ARAP1: variants seen among roughly 807,000 people sequenced by gnomAD.
ARAP1 encodes the protein arf-GAP with Rho-GAP domain, ANK repeat and PH domain-containing protein 1.
ARAP1 carries 76 observed loss-of-function variants against 172.2 expected under a neutral mutation model. That is an observed-to-expected ratio of 0.44 (90% CI 0.37 to 0.53). ARAP1 has a LOEUF of 0.53. ARAP1 is among the 20% of genes least tolerant of loss of function. The pLI is 0.00. For synonymous variants in ARAP1, 804 were observed against 803.3 expected (o/e 1.00, Z -0.01); for missense variants, 1,686 against 1,977.5 (o/e 0.85, Z 2.80).
intron 2 of ARAP1, among the ~76,000 whole-genome samples, chr11:72,727,723 G>A (rs965121148): frequency 2.0e-5 from 3 of 152,232 alleles, no homozygotes; most frequent in African/African-American, 7.2e-5. Flanking sequence ...AAATGCTGTG[G>A]GACGTGAGTA....
rs1164810966 is a variant in ARAP1, at chr11:72,695,810, A to G, written c.3328T>C (p.Phe1110Leu). ...QMNVHNLAIV[F>L]GPTLFQTDGQ... ...TCTGTCTGGAAGAGCGTGGGCCCAA[A>G]CACAATTGCCAGGTTGTGCACGTTC... is the stretch of plus-strand genomic sequence containing the variant. Residue 1110 changes from phenylalanine to leucine, a missense_variant, in exon 24 of 35, where the codon TTT becomes CTT. Phe to Leu is a conservative substitution (Grantham distance 22, BLOSUM62 0). Around this residue, in one of 5 missense-constraint regions of ARAP1, gnomAD observed 379 missense variants for 500.1 expected, o/e 0.76. Transcript: ENST00000393609. This position sits in a 1 kb window ranked among gnomAD's most constrained non-coding sequence, Gnocchi z 4.4. 6.2e-7 allele frequency: 1 copy of G among 1,614,024 alleles called. No individual in the cohort carries two copies. Among genetic ancestry groups the G allele is most frequent in the Admixed American group, 1.7e-5 (1 of 59,994 alleles).
At position 72,726,639 on chromosome 11, in the gene ARAP1, G is replaced by T. The variant is rs1464637374; in HGVS notation, c.490C>A (p.Pro164Thr). The part of the protein sequence containing the change: ...SVPPVPPRTG[P>T]PRLLVSLPTK... ...ACTCACCTCACCAGCAGGCGGGGGG[G>T]TCCGGTGCGGGGCGGCACGGGTGGA... The change falls in exon 3 of 35, where the codon CCC becomes ACC. Residue 164 changes from proline (P) to threonine (T), a missense_variant. This residue lies in a region of ARAP1 where 155 missense variants were observed against 129.2 expected (regional missense o/e 1.20). Coordinates refer to ENST00000393609, the MANE Select transcript of ARAP1 (RefSeq NM_001040118.3). This position sits in a 1 kb window ranked among gnomAD's most constrained non-coding sequence, Gnocchi z 6.5. 3 of 1,520,710 alleles carry T rather than the reference G, an allele frequency of 2.0e-6. No homozygotes were observed. Among genetic ancestry groups the T allele is most frequent in the Non-Finnish European group, 1.8e-6 (2 of 1,132,726 alleles). The allele number at this position is 1,520,710 out of a possible 1,614,324, so 94.2% of individuals were successfully genotyped here. A position where few individuals can be genotyped will look rare whatever the true frequency, so the allele number is the denominator to read the frequency against.
rs899216982 is a variant in ARAP1, at chr11:72,697,739, G to A, written c.2738-90C>T. ...TCTGTGAGCACACACACACCCTTGAGACCCGCCCACCAATGTATGGGGTGG... is the reference window on the plus strand; with the variant it reads ...TCTGTGAGCACACACACACCCTTGAAACCCGCCCACCAATGTATGGGGTGG... On this transcript the variant is annotated intron_variant, in intron 19 of 34. Transcript: ENST00000393609. The A allele has an allele frequency of 1.9e-6, 3 of 1,570,700 alleles. No homozygotes were observed. The African/African-American group carries it at 4.0e-5, about 21-fold the overall frequency.
Position 72,712,237 on chromosome 11 carries a change from T to C in ARAP1, c.981A>G (p.Pro327=), listed in dbSNP as rs1250563651. 3 of 1,608,350 alleles carry C rather than the reference T, an allele frequency of 1.9e-6. No homozygotes were observed. The South Asian group carries it at 3.3e-5, about 18-fold the overall frequency. Residue 327 remains proline, a synonymous_variant, in exon 7 of 35, where the codon CCA becomes CCG. Coordinates refer to ENST00000393609, the MANE Select transcript of ARAP1 (RefSeq NM_001040118.3). ...TGTCCAGCCAGCCAGCCTTGATGAC[T>C]GGTGTGACGGGGGTGGAGCCCCCAG... ...GPPGGSTPVT[P]VIKAGWLDKN...
At position 72,685,324 on chromosome 11, in the gene ARAP1, G is replaced by C. The variant is rs1159799298; in HGVS notation, c.*340C>G. The C allele has an allele frequency of 8.2e-6, 3 of 366,972 alleles. No homozygotes were observed. The highest frequency in any genetic ancestry group is 1.5e-5 in the Non-Finnish European group (3 of 198,226). The allele number at this position is 366,972 out of a possible 1,614,324, so 22.7% of individuals were successfully genotyped here. On this transcript the variant is annotated 3_prime_UTR_variant, in exon 35 of 35. Coordinates refer to ENST00000393609, the MANE Select transcript of ARAP1 (RefSeq NM_001040118.3). ...GGGCTCCCTTCCGGCAGGGCCCCAG[G>C]GCCTCACGCCTCTGAAAGGGTGGTG... is the stretch of plus-strand genomic sequence containing the variant.
At chr11:72,734,389 T>C (rs796578085) in intron 1 of ARAP1, among the ~76,000 whole-genome samples, 24 of 152,232 alleles carry the variant, frequency 1.6e-4, no homozygotes, top group African/African-American at 5.1e-4. Context: ...CCAAAGTGCT[T>C]AAGATTATAG....
intron 11 of ARAP1, 53 bp from the exon 12 acceptor site, chr11:72,707,427 G>C (rs1457280852): frequency 6.5e-7 from 1 of 1,531,206 alleles, no homozygotes; most frequent in Non-Finnish European, 8.9e-7. Flanking sequence ...AGGGATTTGG[G>C]GGCAGCATGA....
Position 72,701,729 on chromosome 11 carries a change from A to C in ARAP1, c.2222T>G (p.Leu741Arg). Residue 741 changes from leucine (L) to arginine (R), a missense_variant, in exon 16 of 35, where the codon CTG becomes CGG. This residue lies in a region of ARAP1 where 688 missense variants were observed against 856.9 expected (regional missense o/e 0.80). Transcript: ENST00000393609. ...GAAGCCACTGTGGCTCACGGTCGGC[A>C]GGACAACTGAGTAGTGCTTTTCCAG... ...KPLEKHYSVVLPTVSHSGFLY... is the reference protein window; with the variant it reads ...KPLEKHYSVVRPTVSHSGFLY... 1 of 1,614,020 alleles carries C rather than the reference A, an allele frequency of 6.2e-7. No homozygotes were observed. Among genetic ancestry groups the C allele is most frequent in the South Asian group, 1.1e-5 (1 of 91,082 alleles).
chr11:72,749,163 A>T (rs1201394650), intron 1 of ARAP1, among the ~76,000 whole-genome samples: 1 of 152,172 alleles, frequency 6.6e-6, no homozygotes, highest in Non-Finnish European at 1.5e-5. Flanking sequence ...TGCCTCGGTC[A>T]CCACCCGGGG....
chr11:72,729,656 G>C (rs1483716320), intron 2 of ARAP1, among the ~76,000 whole-genome samples: 1 of 151,854 alleles, frequency 6.6e-6, no homozygotes, highest in Non-Finnish European at 1.5e-5. Context: ...GGTGGCTCAC[G>C]CCTGTAATCC....
chr11:72,697,004 G>A lies in ARAP1; in HGVS notation c.3145C>T (p.Leu1049=), dbSNP rs370376464. ...PDGLFTRAQR[L]TWLEASEIED... is the part of the protein sequence containing the mutation. ...CCACCTGAGGCCTCCAGCCAGGTTA[G>A]GCGCTGGGCGCGAGTGAAGAGCCCA... Residue 1049 remains leucine, a synonymous_variant, in exon 22 of 35, where the codon CTA becomes TTA. Transcript: ENST00000393609. 1.2e-6 allele frequency: 2 copies of A among 1,607,126 alleles called. No individual in the cohort carries two copies. The highest frequency in any genetic ancestry group is 2.7e-5 in the African/African-American group (2 of 74,940).
chr11:72,701,716 G>A lies in ARAP1; in HGVS notation c.2235C>T (p.Ser745=). The A allele has an allele frequency of 6.2e-7, 1 of 1,614,032 alleles. No homozygotes were observed. The highest frequency in any genetic ancestry group is 1.3e-5 in the African/African-American group (1 of 75,046). Residue 745 remains serine, a synonymous_variant, in exon 16 of 35, where the codon AGC becomes AGT. Coordinates refer to ENST00000393609, the MANE Select transcript of ARAP1 (RefSeq NM_001040118.3). ...CAGTCTTGTAGAGGAAGCCACTGTG[G>A]CTCACGGTCGGCAGGACAACTGAGT... The part of the protein sequence containing the change: ...KHYSVVLPTV[S]HSGFLYKTAS...
chr11:72,734,650 C>G (rs1014208361), intron 1 of ARAP1, among the ~76,000 whole-genome samples: 68 of 152,242 alleles, frequency 4.5e-4, no homozygotes, highest in African/African-American at 1.5e-3. Flanking sequence ...GGTGAAGAAA[C>G]TGAGATAAAG....
In ARAP1 at chr11:72,726,330, G is replaced by T. The variant is rs1274465610; in HGVS notation, c.509+290C>A. Among the ~76,000 whole-genome samples, 1 of 152,058 alleles carries T rather than the reference G, an allele frequency of 6.6e-6. No individual in the cohort carries two copies. Among genetic ancestry groups the T allele is most frequent in the Admixed American group, 6.5e-5 (1 of 15,284 alleles). On this transcript the variant is annotated intron_variant, in intron 3 of 34. Coordinates refer to ENST00000393609, the MANE Select transcript of ARAP1 (RefSeq NM_001040118.3). The surrounding 1 kb of genome is among the most constrained non-coding windows in gnomAD (Gnocchi z 6.5). ...CCTCCCAAAGTCACTTCTGTCCTTG[G>T]GTCTCTGGATCAGTGATGGCACGAC...
In ARAP1 at chr11:72,703,026, C is replaced by A; in HGVS notation, c.2046G>T (p.Leu682=). ...AGCAGTTGATCCCAGCCCCACAGCC[C>A]AGGAGCGCCTGGGTCTCAGCCAGGT... ...TTDLAETQAL[L]GCGAGINCFS... The change falls in exon 15 of 35, where the codon CTG becomes CTT. Residue 682 remains leucine (L), a synonymous_variant. Transcript: ENST00000393609. 1 of 1,595,646 alleles carries A rather than the reference C, an allele frequency of 6.3e-7. No individual in the cohort carries two copies.
At chr11:72,711,349 G>C (rs1427275578) in intron 8 of ARAP1, 81 bp downstream of exon 8, 1 of 1,537,356 alleles carries the variant, frequency 6.5e-7, no homozygotes, top group African/African-American at 1.4e-5. Context: ...GACTCCTCTG[G>C]GGAGGGACGC....
intron 34 of ARAP1, 45 bp from the exon 35 acceptor site, chr11:72,685,726 A>AG: frequency 6.2e-7 from 1 of 1,613,060 alleles, no homozygotes; most frequent in Non-Finnish European, 8.5e-7. Context: ...GAAGGCCCAG[A>AG]GGGGCTGGCG....
chr11:72,710,274 G>A lies in ARAP1; in HGVS notation c.1416+111C>T. ...GAGGACATATCCAGGCAAAGGGCTG[G>A]GCCCAGTGCAGGAAAAGAGGGAACA... On this transcript the variant is annotated intron_variant, in intron 10 of 34. Coordinates refer to ENST00000393609, the MANE Select transcript of ARAP1 (RefSeq NM_001040118.3). This position sits in a 1 kb window ranked among gnomAD's most constrained non-coding sequence, Gnocchi z 4.3. 7.5e-7 allele frequency: 1 copy of A among 1,334,654 alleles called. No individual in the cohort carries two copies. Among genetic ancestry groups the A allele is most frequent in the African/African-American group, 1.4e-5 (1 of 69,284 alleles). The allele number at this position is 1,334,654 out of a possible 1,614,324, so 82.7% of individuals were successfully genotyped here.
intron 2 of ARAP1, among the ~76,000 whole-genome samples, chr11:72,729,437 C>A (rs1357686064): frequency 6.6e-6 from 1 of 151,838 alleles, no homozygotes; most frequent in Non-Finnish European, 1.5e-5. Flanking sequence ...ACTAAAAATA[C>A]AAAAAATTAG....
Sources: gnomAD v4.1 joint callset for allele counts (sites outside exome capture counted in the v4.1 genomes callset) on GRCh38, gnomAD v4.1.1 for gene constraint, gnomAD v4.1.1 regional missense constraint, Gnocchi (gnomAD v3.1) non-coding constraint, MANE v1.5 for transcripts, NCBI Gene and HGNC (gene_info 2026-07-23, HGNC 2026-07-21) for gene names.